NAALADL2: variants seen among roughly 807,000 people sequenced by gnomAD.
NAALADL2 encodes the protein inactive N-acetylated-alpha-linked acidic dipeptidase-like protein 2.
Under a neutral mutation model 87.2 loss-of-function variants are expected in NAALADL2, and 76 were observed. The observed-to-expected ratio is 0.87, with a 90% confidence interval of 0.72 to 1.05. The LOEUF (loss-of-function observed/expected upper bound fraction) is 1.05, where lower values mean the gene tolerates loss of function less well. Among genes scored for constraint, NAALADL2 ranks in the 50% least tolerant of loss-of-function variants. NAALADL2 has a pLI of 0.00. For synonymous variants in NAALADL2, 354 were observed against 331.0 expected, an observed-to-expected ratio of 1.07 and a Z score of -0.75; for missense variants, 1,089 against 945.8, an observed-to-expected ratio of 1.15 and a Z score of -1.99.
chr3:175,582,184 A>G (rs772153586), intron 10 of NAALADL2, among the ~76,000 whole-genome samples: 2 of 152,178 alleles, frequency 1.3e-5, no homozygotes, highest in Non-Finnish European at 2.9e-5. Context: ...AGTCTGAGGA[A>G]TAAACACAAG....
intron 4 of NAALADL2, among the ~76,000 whole-genome samples, chr3:175,257,786 CAA>C (rs1676485951): frequency 1.3e-5 from 2 of 151,876 alleles, no homozygotes; most frequent in South Asian, 4.1e-4. Flanking sequence ...AAAAAAAGAT[CAA>C]GAGAACATTT....
intron 8 of NAALADL2, among the ~76,000 whole-genome samples, chr3:175,469,648 G>A (rs528615364): frequency 7.2e-5 from 11 of 152,010 alleles, no homozygotes; most frequent in South Asian, 6.2e-4. Context: ...AAGAATCCTC[G>A]TTTGTCAGAG....
intron 5 of NAALADL2, among the ~76,000 whole-genome samples, chr3:175,371,332 A>G (rs1172587839): frequency 1.1e-4 from 16 of 151,938 alleles, no homozygotes; most frequent in Admixed American, 3.3e-4. Flanking sequence ...CAGTGGCGCT[A>G]TCTCGGCTCA....
intron 1 of NAALADL2, among the ~76,000 whole-genome samples, chr3:174,518,553 A>G (rs569451090): frequency 5.3e-5 from 8 of 152,292 alleles, no homozygotes; most frequent in East Asian, 1.9e-4. Context: ...CCTGCTTCAC[A>G]TCTTTCAAAG....
At chr3:175,000,546 T>C (rs1280849953) in intron 1 of NAALADL2, among the ~76,000 whole-genome samples, 1 of 152,190 alleles carries the variant, frequency 6.6e-6, no homozygotes, top group Non-Finnish European at 1.5e-5. Context: ...AACTGGTGCC[T>C]GCTACTGGGA....
intron 4 of NAALADL2, among the ~76,000 whole-genome samples, chr3:175,299,308 T>G (rs1399585025): frequency 2.0e-5 from 3 of 151,184 alleles, no homozygotes; most frequent in Admixed American, 1.3e-4. Flanking sequence ...TTTGTTTTTG[T>G]TTTTTTTAAT....
At chr3:175,247,371 G>A (rs1189960310) in intron 3 of NAALADL2, among the ~76,000 whole-genome samples, 1 of 152,112 alleles carries the variant, frequency 6.6e-6, no homozygotes, top group Non-Finnish European at 1.5e-5. Flanking sequence ...TAAAAGCAGA[G>A]CAAAGCAAAC....
Position 175,714,547 on chromosome 3 carries a change from C to T in NAALADL2, c.1897-22759C>T, listed in dbSNP as rs950626350. Among the ~76,000 whole-genome samples the T allele has an allele frequency of 2.0e-5, 3 of 152,210 alleles. No individual in the cohort carries two copies. In the East Asian group the frequency reaches 5.8e-4, roughly 29 times the overall value. Reference sequence around the variant, plus strand: ...TGTCTTCTTTTGAGAAGTGTCTGTTCATATCCTTTGCCCACTTTTTGATGG... The same window carrying T: ...TGTCTTCTTTTGAGAAGTGTCTGTTTATATCCTTTGCCCACTTTTTGATGG... On this transcript the variant is annotated intron_variant, in intron 11 of 13. Transcript: ENST00000454872.
intron 2 of NAALADL2, among the ~76,000 whole-genome samples, chr3:175,163,921 A>G (rs1298637651): frequency 2.0e-5 from 3 of 152,206 alleles, no homozygotes; most frequent in Admixed American, 6.6e-5. Flanking sequence ...TCCATTGTCA[A>G]TGATGCAGAA....
Position 175,474,873 on chromosome 3 carries a change from C to T in NAALADL2, c.1653+3115C>T, listed in dbSNP as rs148625988. ...TTGGTGTCCACTTTGAGTGGAAAAT[C>T]GGTGGAGCCTTCTATTCCTCCACCT... On this transcript the variant is annotated intron_variant, in intron 9 of 13. Coordinates refer to ENST00000454872, the MANE Select transcript of NAALADL2 (RefSeq NM_207015.3). Among the ~76,000 whole-genome samples the T allele has an allele frequency of 2.6e-3, 393 of 152,144 alleles. 3 individuals carry two copies. Among genetic ancestry groups the T allele is most frequent in the African/African-American group, 8.9e-3 (369 of 41,518 alleles).
chr3:174,644,803 T>C (rs529509867), intron 2 of NAALADL2, among the ~76,000 whole-genome samples: 1 of 152,350 alleles, frequency 6.6e-6, no homozygotes, highest in South Asian at 2.1e-4. Flanking sequence ...AAAGACAAAT[T>C]GCATGCCTGC....
chr3:174,571,273 C>T (rs1714883650), intron 2 of NAALADL2, among the ~76,000 whole-genome samples: 1 of 152,024 alleles, frequency 6.6e-6, no homozygotes, highest in Admixed American at 6.6e-5. Context: ...ACAGAAAAAT[C>T]TTTCGTTTTT....
intron 11 of NAALADL2, among the ~76,000 whole-genome samples, chr3:175,631,238 GTATTT>G (rs919790609): frequency 1.7e-4 from 26 of 151,588 alleles, no homozygotes; most frequent in African/African-American, 5.6e-4. Flanking sequence ...AATATGAACA[GTATTT>G]TATTTTATTT....
chr3:175,521,462 T>C (rs961351185), intron 9 of NAALADL2, among the ~76,000 whole-genome samples: 6 of 152,162 alleles, frequency 3.9e-5, no homozygotes, highest in African/African-American at 1.4e-4. Flanking sequence ...AGTGGTTAAG[T>C]ATCTATAGAA....
At chr3:175,252,842 CATTTT>C (rs1425749562) in intron 3 of NAALADL2, among the ~76,000 whole-genome samples, 1 of 152,148 alleles carries the variant, frequency 6.6e-6, no homozygotes, top group African/African-American at 2.4e-5. Context: ...CAAACCACAA[CATTTT>C]ATTTAGCCAA....
intron 5 of NAALADL2, among the ~76,000 whole-genome samples, chr3:175,409,969 G>A (rs982605915): frequency 6.0e-5 from 9 of 150,414 alleles, no homozygotes; most frequent in African/African-American, 2.2e-4. Context: ...TGAAGTTAAA[G>A]AAGTAGATAT....
chr3:175,156,917 G>A (rs539150508), intron 2 of NAALADL2, among the ~76,000 whole-genome samples: 111 of 151,996 alleles, frequency 7.3e-4, no homozygotes, highest in African/African-American at 2.5e-3. Flanking sequence ...AAGTCAGGTC[G>A]AACATATTGT....
At chr3:175,270,534 G>A (rs1192069012) in intron 4 of NAALADL2, among the ~76,000 whole-genome samples, 5 of 152,186 alleles carry the variant, frequency 3.3e-5, no homozygotes, top group Admixed American at 3.3e-4. Context: ...GAGTGCTGGT[G>A]AAACCACAGG....
intron 9 of NAALADL2, among the ~76,000 whole-genome samples, chr3:175,517,620 A>C (rs1162713809): frequency 6.6e-6 from 1 of 152,200 alleles, no homozygotes; most frequent in Non-Finnish European, 1.5e-5. Context: ...AATTGACAAC[A>C]AAACAGGTAA....
Sources: gnomAD v4.1 joint callset for allele counts (sites outside exome capture counted in the v4.1 genomes callset) on GRCh38, gnomAD v4.1.1 for gene constraint, MANE v1.5 for transcripts, NCBI Gene and HGNC (gene_info 2026-07-23, HGNC 2026-07-21) for gene names.